Variants in DNAJB6 observed in about 807,000 individuals in gnomAD.
The protein encoded by DNAJB6 is dnaJ homolog subfamily B member 6.
In DNAJB6, 16 loss-of-function variants were observed where a neutral mutation model predicts 42.7. The observed-to-expected ratio is 0.37, with a 90% confidence interval of 0.25 to 0.57. The LOEUF is 0.57. Among genes scored for constraint, DNAJB6 ranks in the 20% least tolerant of loss-of-function variants. The pLI is 0.74. For synonymous variants in DNAJB6, 170 were observed against 163.5 expected (o/e 1.04, Z -0.30); for missense variants, 347 against 416.8 (o/e 0.83, Z 1.46).
intron 8 of DNAJB6, among the ~76,000 whole-genome samples, chr7:157,389,690 AT>A (rs1256472368): frequency 6.6e-6 from 1 of 152,144 alleles, no homozygotes; most frequent in African/African-American, 2.4e-5. Context: ...TGGCTACGTT[AT>A]TTCGTCTTCC....
At chr7:157,405,119 A>G (rs1392918705) in intron 8 of DNAJB6, among the ~76,000 whole-genome samples, 1 of 152,196 alleles carries the variant, frequency 6.6e-6, no homozygotes, top group Non-Finnish European at 1.5e-5. Flanking sequence ...GCTGCAGAAC[A>G]CTACCTCCAG....
intron 5 of DNAJB6, among the ~76,000 whole-genome samples, chr7:157,373,163 C>A (rs1157743928): frequency 6.6e-6 from 1 of 152,192 alleles, no homozygotes; most frequent in African/African-American, 2.4e-5. Context: ...AGAGCCTGTT[C>A]CCAGTAAGGT....
chr7:157,390,679 G>C (rs889800813), intron 8 of DNAJB6, among the ~76,000 whole-genome samples: 1 of 152,186 alleles, frequency 6.6e-6, no homozygotes, highest in African/African-American at 2.4e-5. Flanking sequence ...TGTGCTGCGA[G>C]CTCTGAGAGG....
intron 3 of DNAJB6, among the ~76,000 whole-genome samples, chr7:157,364,806 A>G (rs1305703852): frequency 6.6e-6 from 1 of 152,200 alleles, no homozygotes; most frequent in Non-Finnish European, 1.5e-5. Flanking sequence ...TGTGTTTTTC[A>G]TGTCCTTTTA....
intron 5 of DNAJB6, chr7:157,381,268 A>G (rs1213040898): frequency 1.3e-5 from 2 of 152,124 alleles, no homozygotes; most frequent in Non-Finnish European, 2.9e-5. Context: ...AGTAGGCCGT[A>G]CTAATTCTGT....
rs2116703659 is a variant in DNAJB6 at position 157,417,159 on chromosome 7, T to C, written c.*1061T>C. ...TGGACTTGAGGGCATTGTGAAAAGCTTTGCTGTGATTTAAAAATGCCAGCA... is the reference window on the plus strand; with the variant it reads ...TGGACTTGAGGGCATTGTGAAAAGCCTTGCTGTGATTTAAAAATGCCAGCA... On this transcript the variant is annotated 3_prime_UTR_variant, in exon 10 of 10. Coordinates refer to ENST00000262177, the MANE Select transcript of DNAJB6 (RefSeq NM_058246.4). 6.6e-6 allele frequency: 1 copy of C among 152,338 alleles called. No individual in the cohort carries two copies. Among genetic ancestry groups the C allele is most frequent in the South Asian group, 2.1e-4 (1 of 4,826 alleles). 9.4% of individuals were successfully genotyped at this position (152,338 alleles called of 1,614,324 possible). A position where few individuals can be genotyped will look rare whatever the true frequency, so the allele number is the denominator to read the frequency against.
At chr7:157,400,147 C>A (rs868371507) in intron 8 of DNAJB6, among the ~76,000 whole-genome samples, 1 of 144,218 alleles carries the variant, frequency 6.9e-6, no homozygotes, top group East Asian at 2.0e-4. Flanking sequence ...TGCCTTTTTT[C>A]GGTTTCTTTG....
chr7:157,379,379 G>A (rs1208131087), intron 5 of DNAJB6: 4 of 152,236 alleles, frequency 2.6e-5, no homozygotes, highest in Non-Finnish European at 5.9e-5. Flanking sequence ...AATTGCGGAA[G>A]GATGTAAACG....
chr7:157,370,970 A>T (rs1263729204), intron 5 of DNAJB6: 1 of 152,422 alleles, frequency 6.6e-6, no homozygotes, highest in Non-Finnish European at 1.5e-5. Context: ...CCTGTTACGA[A>T]CTGGCCTGTT....
intron 2 of DNAJB6, among the ~76,000 whole-genome samples, chr7:157,359,700 TC>T (rs1286749444): frequency 6.6e-6 from 1 of 152,132 alleles, no homozygotes; most frequent in African/African-American, 2.4e-5. Flanking sequence ...ATGCCTGTAG[TC>T]CCAACTGCTC....
rs1331022826 is a variant in DNAJB6 at position 157,416,109 on chromosome 7, A to T, written c.*11A>T. 1.2e-6 allele frequency: 2 copies of T among 1,611,848 alleles called. No individual in the cohort carries two copies. Among genetic ancestry groups the T allele is most frequent in the East Asian group, 4.5e-5 (2 of 44,810 alleles). On this transcript the variant is annotated 3_prime_UTR_variant, in exon 10 of 10. Coordinates refer to ENST00000262177, the MANE Select transcript of DNAJB6 (RefSeq NM_058246.4). ...AAAGGCAATCACTAGACCGGACTTG[A>T]GGCACGCGGTGCACCCCCAGACGCT...
chr7:157,353,586 G>GTGTGTGTGTGTGTGT (rs1799112185), intron 1 of DNAJB6, among the ~76,000 whole-genome samples: 1 of 140,038 alleles, frequency 7.1e-6, no homozygotes, highest in African/African-American at 2.7e-5. Flanking sequence ...TCTTGACCGG[G>GTGTGTGTGTGTGTGT]GTGTGTGTGT....
chr7:157,345,815 A>G (rs1408698533), intron 1 of DNAJB6, among the ~76,000 whole-genome samples: 1 of 152,174 alleles, frequency 6.6e-6, no homozygotes, highest in Non-Finnish European at 1.5e-5. Context: ...GTGGGGTTCT[A>G]ATGGACACCT....
chr7:157,409,777 C>T lies in DNAJB6; in HGVS notation c.692-18C>T, dbSNP rs1795904599. On this transcript the variant is annotated intron_variant, in intron 8 of 9. Transcript: ENST00000262177. Reference sequence around the variant, plus strand: ...CCGCCGCTCACTCACGGCTCTCTCTCTCCCGCTGTGCCTGCAGGTGTGGCC... The same window carrying T: ...CCGCCGCTCACTCACGGCTCTCTCTTTCCCGCTGTGCCTGCAGGTGTGGCC... 2.6e-6 allele frequency: 4 copies of T among 1,515,850 alleles called. No individual in the cohort carries two copies. Among genetic ancestry groups the T allele is most frequent in the Admixed American group, 2.0e-5 (1 of 49,644 alleles). The allele number at this position is 1,515,850 out of a possible 1,614,324, so 93.9% of individuals were successfully genotyped here. A position where few individuals can be genotyped will look rare whatever the true frequency, so the allele number is the denominator to read the frequency against.
At chr7:157,376,384 A>G (rs770318009) in intron 5 of DNAJB6, among the ~76,000 whole-genome samples, 30 of 152,200 alleles carry the variant, frequency 2.0e-4, no homozygotes, top group Non-Finnish European at 7.3e-5. Context: ...GAATAGCATG[A>G]TATTGCAAAA....
chr7:157,370,050 C>G (rs1172583809), intron 5 of DNAJB6, among the ~76,000 whole-genome samples: 1 of 147,182 alleles, frequency 6.8e-6, no homozygotes, highest in African/African-American at 2.6e-5. Flanking sequence ...TTAAACAGGT[C>G]TTTCATAACG....
intron 2 of DNAJB6, among the ~76,000 whole-genome samples, chr7:157,359,692 G>A (rs1440971946): frequency 6.6e-6 from 1 of 152,204 alleles, no homozygotes; most frequent in Non-Finnish European, 1.5e-5. Flanking sequence ...GGTGGCACAT[G>A]CCTGTAGTCC....
At chr7:157,382,182 C>T (rs774287429) in intron 5 of DNAJB6, 64 bp from the exon 6 acceptor site, 26 of 1,493,158 alleles carry the variant, frequency 1.7e-5, no homozygotes, top group Non-Finnish European at 2.2e-5. Flanking sequence ...CTTACTGTAG[C>T]TATCACATGA....
intron 8 of DNAJB6, among the ~76,000 whole-genome samples, chr7:157,398,644 G>C (rs1283892248): frequency 6.6e-6 from 1 of 152,142 alleles, no homozygotes; most frequent in African/African-American, 2.4e-5. Flanking sequence ...GGCAGATCTT[G>C]TTTCTGTTTT....
Sources: gnomAD v4.1 joint callset for allele counts (sites outside exome capture counted in the v4.1 genomes callset) on GRCh38, gnomAD v4.1.1 for gene constraint, MANE v1.5 for transcripts, NCBI Gene and HGNC (gene_info 2026-07-23, HGNC 2026-07-21) for gene names.